The following PIK3C2G variants were observed in gnomAD, a reference collection of about 807,000 sequenced individuals.
The protein encoded by PIK3C2G is phosphatidylinositol 3-kinase C2 domain-containing subunit gamma.
Under a neutral mutation model 181.1 loss-of-function variants are expected in PIK3C2G, and 168 were observed. The ratio of observed to expected loss-of-function variants is 0.93; its 90% CI spans 0.82 to 1.05. The LOEUF is 1.05. Among genes scored for constraint, PIK3C2G ranks in the 50% least tolerant of loss-of-function variants. The pLI, the probability that PIK3C2G is intolerant of heterozygous loss-of-function variation, is 0.00. For synonymous variants in PIK3C2G, 573 were observed against 592.2 expected (o/e 0.97, Z 0.47); for missense variants, 1,869 against 1,732.8 (o/e 1.08, Z -1.40).
the PIK3C2G span, chr12:18,723,493 G>T: frequency 3.1e-6 from 5 of 1,612,646 alleles, no homozygotes; most frequent in African/African-American, 2.7e-5. Context: ...TCGATAAATT[G>T]CTCTAAATTC....
chr12:18,422,644 C>T (rs1219492297), intron 17 of PIK3C2G, among the ~76,000 whole-genome samples: 5 of 151,726 alleles, frequency 3.3e-5, no homozygotes, highest in Non-Finnish European at 7.4e-5. Flanking sequence ...GATGGTCAGG[C>T]GGGATTTAGG....
the PIK3C2G span, among the ~76,000 whole-genome samples, chr12:18,705,700 T>A: frequency 6.6e-6 from 1 of 150,794 alleles, no homozygotes; most frequent in African/African-American, 2.4e-5. Context: ...ACCCCATCTC[T>A]ACTAAAATCA....
chr12:18,549,157 T>C (rs1196050451), intron 26 of PIK3C2G, among the ~76,000 whole-genome samples: 3 of 152,058 alleles, frequency 2.0e-5, no homozygotes, highest in Non-Finnish European at 4.4e-5. Flanking sequence ...TTTTCTTCTA[T>C]AATTCTCTCG....
chr12:18,650,347 ATGTGTGTGTGTGTGTG>A (rs71064013), downstream of PIK3C2G, among the ~76,000 whole-genome samples: 1 of 114,544 alleles, frequency 8.7e-6, no homozygotes, highest in African/African-American at 3.3e-5. Flanking sequence ...ATATATATAT[ATGTGTGTGTGTGTGTG>A]TGTGTGTGTG....
chr12:18,348,840 G>T (rs1939935093), intron 11 of PIK3C2G, among the ~76,000 whole-genome samples: 1 of 152,152 alleles, frequency 6.6e-6, no homozygotes, highest in Non-Finnish European at 1.5e-5. Flanking sequence ...AAGCAGTTTT[G>T]CTGGGTGGAT....
At chr12:18,521,163 G>A (rs1942888064) in intron 24 of PIK3C2G, among the ~76,000 whole-genome samples, 1 of 152,162 alleles carries the variant, frequency 6.6e-6, no homozygotes, top group South Asian at 2.1e-4. Flanking sequence ...CTGACCTGAT[G>A]CCATTAGGAA....
chr12:18,341,337 T>C (rs1016802470), intron 9 of PIK3C2G, among the ~76,000 whole-genome samples: 1 of 152,130 alleles, frequency 6.6e-6, no homozygotes, highest in Non-Finnish European at 1.5e-5. Flanking sequence ...GAAAAACTCA[T>C]CTTCACATTT....
the PIK3C2G span, among the ~76,000 whole-genome samples, chr12:18,720,244 A>T: frequency 6.6e-6 from 1 of 151,926 alleles, no homozygotes; most frequent in African/African-American, 2.4e-5. Flanking sequence ...CTATGCCACA[A>T]TTTATTTATT....
intron 5 of PIK3C2G, among the ~76,000 whole-genome samples, chr12:18,305,277 A>C (rs530650473): frequency 6.6e-6 from 1 of 152,300 alleles, no homozygotes; most frequent in Non-Finnish European, 1.5e-5. Flanking sequence ...TGTGCTAAAT[A>C]AAGTTTGTTT....
At chr12:18,710,936 G>A in the PIK3C2G span, among the ~76,000 whole-genome samples, 1 of 152,014 alleles carries the variant, frequency 6.6e-6, no homozygotes, top group African/African-American at 2.4e-5. Flanking sequence ...ACTGTTGGTT[G>A]GACTGTAAAC....
chr12:18,337,359 C>T (rs578206125), intron 8 of PIK3C2G, among the ~76,000 whole-genome samples: 18 of 152,182 alleles, frequency 1.2e-4, no homozygotes, highest in South Asian at 8.3e-4. Flanking sequence ...ACCATAAAAT[C>T]GCTGTCTAGC....
intron 18 of PIK3C2G, among the ~76,000 whole-genome samples, chr12:18,436,784 C>T (rs12427286): frequency 0.099 from 14,982 of 151,934 alleles, 1,105 homozygotes; most frequent in Admixed American, 0.26. Flanking sequence ...AAATGACTTA[C>T]AGAATAATCT....
chr12:18,371,102 C>T, intron 12 of PIK3C2G, 78 bp from the exon 13 acceptor site: 2 of 1,185,694 alleles, frequency 1.7e-6, no homozygotes, highest in Non-Finnish European at 2.3e-6. Context: ...TGTCCCAGAC[C>T]AGTACATTAT....
At chr12:18,694,696 A>G in the PIK3C2G span, among the ~76,000 whole-genome samples, 1 of 152,196 alleles carries the variant, frequency 6.6e-6, no homozygotes, top group East Asian at 1.9e-4. Context: ...CAATATGTCA[A>G]TTCACAGGCA....
intron 18 of PIK3C2G, among the ~76,000 whole-genome samples, chr12:18,475,656 G>A (rs1321723883): frequency 6.6e-6 from 1 of 151,866 alleles, no homozygotes; most frequent in African/African-American, 2.4e-5. Context: ...GAGAAACTCT[G>A]GTATTCTCTT....
At chr12:18,337,935 C>T (rs1042878788) in intron 8 of PIK3C2G, among the ~76,000 whole-genome samples, 7 of 152,108 alleles carry the variant, frequency 4.6e-5, no homozygotes, top group South Asian at 2.1e-4. Flanking sequence ...GAGTTTGTTC[C>T]GATTTTCTAG....
intron 18 of PIK3C2G, among the ~76,000 whole-genome samples, chr12:18,456,224 G>T (rs1226699100): frequency 6.6e-6 from 1 of 152,098 alleles, no homozygotes; most frequent in Non-Finnish European, 1.5e-5. Context: ...CGTTTGTCTG[G>T]GGTAAATACC....
chr12:18,273,958 G>GA (rs1215952737), intron 1 of PIK3C2G, among the ~76,000 whole-genome samples: 3 of 150,852 alleles, frequency 2.0e-5, no homozygotes, highest in African/African-American at 4.9e-5. Context: ...AAATTTACAA[G>GA]AAAAAAAACA....
intron 18 of PIK3C2G, among the ~76,000 whole-genome samples, chr12:18,438,517 G>A (rs1404355191): frequency 6.6e-6 from 1 of 151,850 alleles, no homozygotes; most frequent in Non-Finnish European, 1.5e-5. Flanking sequence ...CACTATGGTA[G>A]TCATTTCAAA....
Sources: allele counts gnomAD v4.1 joint callset (sites outside exome capture counted in the v4.1 genomes callset), GRCh38; gene constraint gnomAD v4.1.1; transcripts MANE v1.5; gene names NCBI Gene and HGNC (gene_info 2026-07-23, HGNC 2026-07-21).